The following GALNT9 variants were observed in gnomAD, a reference collection of about 807,000 sequenced individuals.
The protein encoded by GALNT9 is GalNAc transferase 9.
Under a neutral mutation model 63.1 loss-of-function variants are expected in GALNT9, and 47 were observed. The observed-to-expected ratio is 0.75, with a 90% CI of 0.59 to 0.95. GALNT9 has a LOEUF of 0.95. Ranked by LOEUF, GALNT9 falls within the 40% of genes least tolerant of loss-of-function variation. The probability of loss-of-function intolerance (pLI) is 0.00; values close to 1 mark genes in which losing one functional copy is unlikely to be tolerated. For synonymous variants in GALNT9, 396 were observed against 365.7 expected, an observed-to-expected ratio of 1.08 and a Z score of -0.94; for missense variants, 829 against 874.8, an observed-to-expected ratio of 0.95 and a Z score of 0.66.
chr12:132,275,051 C>A (rs1368457894), intron 2 of GALNT9: 1 of 152,410 alleles, frequency 6.6e-6, no homozygotes, highest in Non-Finnish European at 1.5e-5. Context: ...AGCCTCAGCT[C>A]CAGACTGCAC....
chr12:132,198,613 G>A (rs1345962190), intron 9 of GALNT9, among the ~76,000 whole-genome samples: 1 of 152,092 alleles, frequency 6.6e-6, no homozygotes, highest in Non-Finnish European at 1.5e-5. Flanking sequence ...TCTTGACTGA[G>A]GGGGGAGTGA....
Position 132,231,182 on chromosome 12 carries a change from G to A in GALNT9, c.1077+16728C>T, listed in dbSNP as rs1328522550. ...CCTAGTGCCACACACTCGATGGGGC[G>A]ACAGAGGAGACAGCGTGGAGTCCCC... On this transcript the variant is annotated intron_variant, in intron 6 of 10. Transcript: ENST00000328957. Among the ~76,000 whole-genome samples, 2 of 72,284 alleles carry A rather than the reference G, an allele frequency of 2.8e-5. 1 individual carries two copies. Among genetic ancestry groups the A allele is most frequent in the African/African-American group, 1.7e-4 (2 of 11,898 alleles). The allele number at this position is 72,284 out of a possible 152,430, so 47.4% of individuals were successfully genotyped here. A position where few individuals can be genotyped will look rare whatever the true frequency, so the allele number is the denominator to read the frequency against.
At chr12:132,197,299 T>G in intron 10 of GALNT9, 46 bp from the exon 11 acceptor site, 1 of 1,597,756 alleles carries the variant, frequency 6.3e-7, no homozygotes, top group Non-Finnish European at 8.5e-7. Context: ...GGCGTCCTTG[T>G]TCCCCCTCCC....
At chr12:132,220,379 A>T (rs920362389) in intron 6 of GALNT9, among the ~76,000 whole-genome samples, 11 of 152,242 alleles carry the variant, frequency 7.2e-5, no homozygotes, top group Non-Finnish European at 1.5e-4. Flanking sequence ...AGGTCTTAGG[A>T]CGACTGTTAG....
chr12:132,218,004 C>T (rs919545084), intron 6 of GALNT9, among the ~76,000 whole-genome samples: 1 of 151,380 alleles, frequency 6.6e-6, no homozygotes. Context: ...CACTCATTTG[C>T]CCACCTAGAC....
intron 6 of GALNT9, among the ~76,000 whole-genome samples, chr12:132,207,978 C>T (rs960061001): frequency 6.6e-6 from 1 of 152,174 alleles, no homozygotes. Context: ...GGGCAGGTCT[C>T]TTTTCTGCGT....
Position 132,239,505 on chromosome 12 carries a change from GAC to G in GALNT9, c.1077+8403_1077+8404del, listed in dbSNP as rs200111074. Among the ~76,000 whole-genome samples the G allele has an allele frequency of 4.2e-3, 635 of 150,452 alleles. 22 individuals are homozygous for G. In the East Asian group the frequency reaches 0.06, roughly 14 times the overall value. On this transcript the variant is annotated intron_variant, in intron 6 of 10. Coordinates refer to ENST00000328957, the MANE Select transcript of GALNT9 (RefSeq NM_001122636.2). ...ACAGAGATACAGAGAGACAGAGAGAGACACACACACTGAGAGACTGAGATACA... is the reference window on the plus strand; with the variant it reads ...ACAGAGATACAGAGAGACAGAGAGAGACACACACTGAGAGACTGAGATACA...
chr12:132,225,397 A>G (rs986825192), intron 6 of GALNT9, among the ~76,000 whole-genome samples: 1 of 143,558 alleles, frequency 7.0e-6, no homozygotes, highest in Non-Finnish European at 1.5e-5. Context: ...CCCTACACAC[A>G]TACACACCAC....
At chr12:132,262,317 AC>A (rs1879421983) in intron 3 of GALNT9, 141 bp downstream of exon 3, 3 of 1,136,490 alleles carry the variant, frequency 2.6e-6, no homozygotes, top group Non-Finnish European at 3.6e-6. Context: ...GGCAGGAGGG[AC>A]CCCCATAGGT....
chr12:132,257,855 C>A lies in GALNT9; in HGVS notation c.793G>T (p.Asp265Tyr). ...AEPALSRIRE[D>Y]RRRIVLPAID... ...GCTGGCAGCACGATGCGACGCCGGT[C>A]CTCTCGGATCCGCGACAGTGCGGGC... Residue 265 changes from aspartate to tyrosine, a missense_variant, in exon 5 of 11, where the codon GAC (aspartate) becomes TAC (tyrosine). Coordinates refer to ENST00000328957, the MANE Select transcript of GALNT9 (RefSeq NM_001122636.2). 6.5e-7 allele frequency: 1 copy of A among 1,548,174 alleles called. No homozygotes were observed. Among genetic ancestry groups the A allele is most frequent in the Non-Finnish European group, 8.7e-7 (1 of 1,146,362 alleles).
intron 5 of GALNT9, among the ~76,000 whole-genome samples, chr12:132,256,034 C>A (rs1879097458): frequency 6.6e-6 from 1 of 152,114 alleles, no homozygotes; most frequent in Non-Finnish European, 1.5e-5. Context: ...ACCGCACCTG[C>A]CTTAATATTT....
intron 1 of GALNT9, among the ~76,000 whole-genome samples, chr12:132,302,229 TAC>T (rs56317485): frequency 0.028 from 4,041 of 143,744 alleles, 77 homozygotes; most frequent in African/African-American, 0.059. Context: ...TAGAAAATTC[TAC>T]ACACACACAC....
intron 1 of GALNT9, among the ~76,000 whole-genome samples, chr12:132,322,452 T>C (rs367848196): frequency 1.3e-5 from 2 of 152,338 alleles, no homozygotes; most frequent in East Asian, 3.9e-4. Flanking sequence ...CCTCAGCTCA[T>C]AGGGGCTGGG....
At chr12:132,227,379 T>G (rs1047928592) in intron 6 of GALNT9, among the ~76,000 whole-genome samples, 3 of 151,964 alleles carry the variant, frequency 2.0e-5, no homozygotes, top group Non-Finnish European at 4.4e-5. Context: ...TCCCCGACCC[T>G]GCTGGCCGCA....
chr12:132,226,822 AAC>A (rs1359583447), intron 6 of GALNT9, among the ~76,000 whole-genome samples: 2 of 124,584 alleles, frequency 1.6e-5, no homozygotes, highest in East Asian at 2.6e-4. Flanking sequence ...ACATCCCATA[AAC>A]ACACCCCACA....
rs531551967 is a variant in GALNT9 at position 132,214,586 on chromosome 12, C to A, written c.1078-10896G>T. On this transcript the variant is annotated intron_variant, in intron 6 of 10. Transcript: ENST00000328957. ...CAGGAGGATGGCCCATGCCCCAGAG[C>A]TGCTGAGACGATGGAAGCCAGGCCC... 1.6e-3 allele frequency among the ~76,000 whole-genome samples: 246 copies of A among 152,378 alleles called. 2 individuals are homozygous for A. The highest frequency in any genetic ancestry group is 2.5e-3 in the Non-Finnish European group (172 of 68,038).
At chr12:132,212,840 T>C (rs543917959) in intron 6 of GALNT9, among the ~76,000 whole-genome samples, 1 of 41,244 alleles carries the variant, frequency 2.4e-5, no homozygotes, top group Non-Finnish European at 4.5e-5. Context: ...CCTCAGACCG[T>C]GACACGGAAA....
At chr12:132,294,483 G>T (rs1880977679) in intron 1 of GALNT9, among the ~76,000 whole-genome samples, 1 of 152,250 alleles carries the variant, frequency 6.6e-6, no homozygotes, top group African/African-American at 2.4e-5. Context: ...GAGCTCTGGT[G>T]ACCTCCGGGT....
In GALNT9 at chr12:132,245,090, A is replaced by G. The variant is rs1228801244; in HGVS notation, c.1077+2820T>C. The stretch of plus-strand genomic sequence containing the variant: ...CCTTGTCAGGGGATGAAGGTGAAAG[A>G]CAGAACCCGCGGTGACACAGGCTCC... On this transcript the variant is annotated intron_variant, in intron 6 of 10. Transcript: ENST00000328957. The surrounding 1 kb of genome is among the most constrained non-coding windows in gnomAD (Gnocchi z 6.3). 1.3e-5 allele frequency among the ~76,000 whole-genome samples: 2 copies of G among 151,860 alleles called. No homozygotes were observed. The highest frequency in any genetic ancestry group is 4.8e-5 in the African/African-American group (2 of 41,298).
Sources: allele counts gnomAD v4.1 joint callset (sites outside exome capture counted in the v4.1 genomes callset), GRCh38; gene constraint gnomAD v4.1.1; non-coding constraint Gnocchi (gnomAD v3.1); transcripts MANE v1.5; gene names NCBI Gene and HGNC (gene_info 2026-07-23, HGNC 2026-07-21).